Variants in TRPM3 observed in about 807,000 individuals in gnomAD.
TRPM3 encodes the protein transient receptor potential cation channel subfamily M member 3, also known as long transient receptor potential channel 3.
A neutral mutation model predicts 181.2 loss-of-function variants in TRPM3; 77 were observed. The ratio of observed to expected loss-of-function variants is 0.42; its 90% confidence interval spans 0.35 to 0.51. The LOEUF is 0.51. Among genes scored for constraint, TRPM3 ranks in the 20% least tolerant of loss-of-function variants. The pLI, the probability that TRPM3 is intolerant of heterozygous loss-of-function variation, is 0.01. For synonymous variants in TRPM3, 745 were observed against 796.4 expected, an observed-to-expected ratio of 0.94 and a Z score of 1.09; for missense variants, 1,759 against 2,196.7, an observed-to-expected ratio of 0.80 and a Z score of 3.98.
At position 70,587,498 on chromosome 9, in the gene TRPM3, C is replaced by T. The variant is rs148650136; in HGVS notation, c.3223+3533G>A. Among the ~76,000 whole-genome samples the T allele has an allele frequency of 4.4e-3, 677 of 152,314 alleles. 8 individuals are homozygous for T. Among genetic ancestry groups the T allele is most frequent in the African/African-American group, 0.016 (649 of 41,570 alleles). ...GGTGCACTTCTAGGCACCTCACACACCAGAATGCAGAACCAGATTTCTAAG... is the reference window on the plus strand; with the variant it reads ...GGTGCACTTCTAGGCACCTCACACATCAGAATGCAGAACCAGATTTCTAAG... On this transcript the variant is annotated intron_variant, in intron 22 of 25. Coordinates refer to ENST00000677713, the MANE Select transcript of TRPM3 (RefSeq NM_001366145.2).
intron 3 of TRPM3, 91 bp from the exon 4 acceptor site, chr9:70,846,682 G>T: frequency 2.8e-6 from 3 of 1,078,158 alleles, no homozygotes; most frequent in Admixed American, 2.3e-5. Flanking sequence ...GTGTAGTTAT[G>T]TGACAAAAAC....
At chr9:71,308,680 G>C (rs1466561886) in intron 1 of TRPM3, among the ~76,000 whole-genome samples, 1 of 152,010 alleles carries the variant, frequency 6.6e-6, no homozygotes, top group African/African-American at 2.4e-5. Context: ...AAATAGCACT[G>C]CTGTGCTCTG....
At chr9:71,353,027 G>T (rs11142806) in intron 1 of TRPM3, among the ~76,000 whole-genome samples, 1 of 151,688 alleles carries the variant, frequency 6.6e-6, no homozygotes, top group Non-Finnish European at 1.5e-5. Flanking sequence ...AATCAGAATC[G>T]CAACTGATGT....
At chr9:70,538,107 A>G (rs1277608383) in intron 25 of TRPM3, among the ~76,000 whole-genome samples, 1 of 152,240 alleles carries the variant, frequency 6.6e-6, no homozygotes, top group Non-Finnish European at 1.5e-5. Context: ...AGCAAAAATT[A>G]AGAATTTAAC....
chr9:71,322,812 G>A (rs891348190), intron 1 of TRPM3, among the ~76,000 whole-genome samples: 1 of 152,004 alleles, frequency 6.6e-6, no homozygotes, highest in African/African-American at 2.4e-5. Flanking sequence ...TCCCAGCATT[G>A]CCAAAGTTAA....
chr9:70,845,124 C>T (rs760323435), intron 4 of TRPM3, among the ~76,000 whole-genome samples: 4 of 151,984 alleles, frequency 2.6e-5, no homozygotes, highest in Admixed American at 6.6e-5. Flanking sequence ...AATATCTTTA[C>T]GTAGCTGTGT....
At chr9:71,312,708 T>G (rs1384410150) in intron 1 of TRPM3, among the ~76,000 whole-genome samples, 3 of 152,162 alleles carry the variant, frequency 2.0e-5, no homozygotes, top group African/African-American at 7.2e-5. Context: ...AATGGAATAT[T>G]ATTCAGTGCC....
chr9:71,343,813 G>C (rs760023099), intron 1 of TRPM3, among the ~76,000 whole-genome samples: 1 of 151,916 alleles, frequency 6.6e-6, no homozygotes, highest in Non-Finnish European at 1.5e-5. Flanking sequence ...TCTGATGTGG[G>C]GAAAATATAA....
intron 9 of TRPM3, among the ~76,000 whole-genome samples, chr9:70,673,792 TA>T (rs1359061826): frequency 6.6e-6 from 1 of 151,092 alleles, no homozygotes; most frequent in African/African-American, 2.4e-5. Flanking sequence ...AAAAAATAAA[TA>T]AAAAAATTAG....
At chr9:71,253,488 A>G (rs1352385268) in intron 1 of TRPM3, among the ~76,000 whole-genome samples, 1 of 152,196 alleles carries the variant, frequency 6.6e-6, no homozygotes, top group African/African-American at 2.4e-5. Context: ...TATAAGCATT[A>G]CATAGCCAAA....
chr9:70,593,353 T>C (rs1480407563), intron 21 of TRPM3, among the ~76,000 whole-genome samples: 1 of 152,206 alleles, frequency 6.6e-6, no homozygotes, highest in South Asian at 2.1e-4. Flanking sequence ...TCTTATTTTA[T>C]AAAATTCTTT....
intron 1 of TRPM3, among the ~76,000 whole-genome samples, chr9:70,957,229 GT>G (rs1250092783): frequency 6.6e-6 from 1 of 152,036 alleles, no homozygotes; most frequent in Non-Finnish European, 1.5e-5. Flanking sequence ...CTCCCAAAGT[GT>G]TGGGATTACA....
chr9:70,945,562 A>G (rs932476085), intron 1 of TRPM3, among the ~76,000 whole-genome samples: 1 of 152,162 alleles, frequency 6.6e-6, no homozygotes, highest in Non-Finnish European at 1.5e-5. Context: ...TAGTCTTACT[A>G]CTACAGGACA....
chr9:70,855,156 G>A (rs1245642111), intron 3 of TRPM3, among the ~76,000 whole-genome samples: 1 of 152,160 alleles, frequency 6.6e-6, no homozygotes, highest in Non-Finnish European at 1.5e-5. Flanking sequence ...TATCAAAGCA[G>A]AACTCAACTT....
intron 1 of TRPM3, among the ~76,000 whole-genome samples, chr9:71,099,271 G>A (rs971747596): frequency 3.9e-5 from 6 of 151,994 alleles, no homozygotes; most frequent in African/African-American, 9.7e-5. Flanking sequence ...CTTTTGTAAG[G>A]GCACTAATAT....
intron 1 of TRPM3, among the ~76,000 whole-genome samples, chr9:71,078,681 AG>A (rs1465745437): frequency 6.6e-6 from 1 of 152,240 alleles, no homozygotes; most frequent in Non-Finnish European, 1.5e-5. Flanking sequence ...GATCACAAAA[AG>A]CATCTTCCCC....
chr9:71,184,618 G>C (rs1366581445), intron 1 of TRPM3, among the ~76,000 whole-genome samples: 3 of 152,142 alleles, frequency 2.0e-5, no homozygotes, highest in Admixed American at 6.6e-5. Flanking sequence ...TTTTCTTGCT[G>C]TGAAGTGTTA....
intron 1 of TRPM3, among the ~76,000 whole-genome samples, chr9:71,410,145 A>G (rs2093517180): frequency 6.6e-6 from 1 of 152,212 alleles, no homozygotes; most frequent in Non-Finnish European, 1.5e-5. Flanking sequence ...AAATGCCCAC[A>G]AGAGAAAGCA....
chr9:71,284,975 A>C (rs567801677), intron 1 of TRPM3, among the ~76,000 whole-genome samples: 30 of 152,362 alleles, frequency 2.0e-4, no homozygotes, highest in Non-Finnish European at 4.1e-4. Context: ...GCAATTCTCA[A>C]ACATTTTAAA....
Sources: allele counts gnomAD v4.1 joint callset (sites outside exome capture counted in the v4.1 genomes callset), GRCh38; gene constraint gnomAD v4.1.1; transcripts MANE v1.5; gene names NCBI Gene and HGNC (gene_info 2026-07-23, HGNC 2026-07-21).